FHIT: variants seen among roughly 807,000 people sequenced by gnomAD.
The protein encoded by FHIT is bis(5'-adenosyl)-triphosphatase.
In FHIT, 19 loss-of-function variants were observed where a neutral mutation model predicts 17.9. The observed-to-expected ratio is 1.06, with a 90% CI of 0.74 to 1.56. FHIT has a LOEUF of 1.56. Ranked by LOEUF, FHIT falls within the 40% of genes most tolerant of loss-of-function variation. FHIT has a pLI of 0.00. For missense variants in FHIT, 248 were observed against 189.2 expected, an observed-to-expected ratio of 1.31 and a Z score of -1.82; for synonymous variants, 81 against 69.7, an observed-to-expected ratio of 1.16 and a Z score of -0.81.
intron 4 of FHIT, among the ~76,000 whole-genome samples, chr3:60,609,431 T>C (rs1376320991): frequency 1.3e-5 from 2 of 152,112 alleles, no homozygotes; most frequent in African/African-American, 4.8e-5. Flanking sequence ...GTTCAAGTGA[T>C]TCTCCTGCCT....
chr3:59,907,993 T>G (rs1466793802), intron 8 of FHIT, among the ~76,000 whole-genome samples: 2 of 152,266 alleles, frequency 1.3e-5, no homozygotes, highest in African/African-American at 4.8e-5. Flanking sequence ...CTTCCACCTC[T>G]GTGATTATAT....
At chr3:60,081,005 T>A (rs984238860) in intron 5 of FHIT, among the ~76,000 whole-genome samples, 1 of 152,050 alleles carries the variant, frequency 6.6e-6, no homozygotes, top group South Asian at 2.1e-4. Context: ...TCTATCTCTA[T>A]CAAGGTACAT....
intron 8 of FHIT, among the ~76,000 whole-genome samples, chr3:59,833,673 T>C (rs2106715232): frequency 6.6e-6 from 1 of 152,282 alleles, no homozygotes; most frequent in Admixed American, 6.5e-5. Flanking sequence ...CATGGAAAAC[T>C]TCTGATGGAA....
At chr3:61,020,064 G>A (rs184089318) in intron 3 of FHIT, among the ~76,000 whole-genome samples, 1,774 of 152,098 alleles carry the variant, frequency 0.012, 20 homozygotes, top group Middle Eastern at 0.027. Context: ...GTAATGGGAC[G>A]GCTGGGTCAA....
intron 3 of FHIT, among the ~76,000 whole-genome samples, chr3:60,847,363 A>T (rs1267783556): frequency 6.6e-6 from 1 of 151,824 alleles, no homozygotes; most frequent in African/African-American, 2.4e-5. Flanking sequence ...GAAGATCTAC[A>T]CCTGATGCTG....
chr3:59,897,542 C>T (rs1340150590), intron 8 of FHIT, among the ~76,000 whole-genome samples: 2 of 152,162 alleles, frequency 1.3e-5, no homozygotes, highest in South Asian at 2.1e-4. Flanking sequence ...TACTCAGTTC[C>T]GTGCTTGGCA....
intron 4 of FHIT, among the ~76,000 whole-genome samples, chr3:60,557,220 C>A (rs553083099): frequency 6.6e-6 from 1 of 152,110 alleles, no homozygotes; most frequent in Non-Finnish European, 1.5e-5. Context: ...CAAGTACACA[C>A]GGAAGCAAGT....
At chr3:60,090,008 G>T (rs1016108216) in intron 5 of FHIT, among the ~76,000 whole-genome samples, 1 of 152,038 alleles carries the variant, frequency 6.6e-6, no homozygotes, top group Non-Finnish European at 1.5e-5. Context: ...TGTGTTCCAG[G>T]CATTGATCTA....
In FHIT at chr3:60,681,195, T is replaced by C. The variant is rs531462857; in HGVS notation, c.-18+140724A>G. On this transcript the variant is annotated intron_variant, in intron 4 of 9. Coordinates refer to ENST00000492590, the MANE Select transcript of FHIT (RefSeq NM_002012.4). ...CATTTCACGTCTATGTATCACAATT[T>C]GGTAATTCTCCCAATATTTCAAACT... 4.6e-5 allele frequency among the ~76,000 whole-genome samples: 7 copies of C among 152,346 alleles called. No homozygotes were observed. In the South Asian group the frequency reaches 8.3e-4, roughly 18 times the overall value.
intron 5 of FHIT, among the ~76,000 whole-genome samples, chr3:60,042,137 T>A (rs1165785078): frequency 6.6e-6 from 1 of 152,204 alleles, no homozygotes; most frequent in Non-Finnish European, 1.5e-5. Context: ...GGAAGATAGC[T>A]CTGAGCTCTT....
At chr3:60,109,588 C>A (rs1231323038) in intron 5 of FHIT, among the ~76,000 whole-genome samples, 1 of 152,096 alleles carries the variant, frequency 6.6e-6, no homozygotes, top group African/African-American at 2.4e-5. Context: ...GAGAAAGGGG[C>A]TGAATATACA....
chr3:60,760,563 A>G (rs1472723592), intron 4 of FHIT, among the ~76,000 whole-genome samples: 5 of 152,222 alleles, frequency 3.3e-5, no homozygotes, highest in Non-Finnish European at 7.3e-5. Flanking sequence ...AATGAAAGAT[A>G]TTAATTTTCA....
chr3:60,119,293 G>A (rs1004650233), intron 5 of FHIT, among the ~76,000 whole-genome samples: 3 of 151,868 alleles, frequency 2.0e-5, no homozygotes, highest in Admixed American at 6.6e-5. Context: ...GGCTGGTCTC[G>A]AACTCCTGAC....
chr3:60,293,346 G>T (rs747886083), intron 5 of FHIT, among the ~76,000 whole-genome samples: 1 of 151,996 alleles, frequency 6.6e-6, no homozygotes, highest in African/African-American at 2.4e-5. Context: ...AAAGACCACA[G>T]AATTTATACG....
intron 2 of FHIT, among the ~76,000 whole-genome samples, chr3:61,165,104 C>T (rs1345569045): frequency 6.6e-6 from 1 of 152,182 alleles, no homozygotes; most frequent in Admixed American, 6.5e-5. Flanking sequence ...TGAACATATA[C>T]ATGCATGTGT....
chr3:60,089,964 CAAT>C (rs1478099723), intron 5 of FHIT, among the ~76,000 whole-genome samples: 1 of 152,162 alleles, frequency 6.6e-6, no homozygotes, highest in Non-Finnish European at 1.5e-5. Flanking sequence ...GGAACAACAA[CAAT>C]AACAACAGCC....
chr3:60,371,582 A>G (rs1700331871), intron 5 of FHIT, among the ~76,000 whole-genome samples: 1 of 151,990 alleles, frequency 6.6e-6, no homozygotes, highest in Non-Finnish European at 1.5e-5. Flanking sequence ...TCTTCTTTTT[A>G]TTTTTCAATC....
chr3:60,534,970 T>C lies in FHIT; in HGVS notation c.103+1890A>G, dbSNP rs147679350. ...AAAAGTCTGAAATATCAAATTACTC[T>C]CAAGATATGAGTAAAAAAACTACAA... On this transcript the variant is annotated intron_variant, in intron 5 of 9. Coordinates refer to ENST00000492590, the MANE Select transcript of FHIT (RefSeq NM_002012.4). 4.2e-3 allele frequency among the ~76,000 whole-genome samples: 635 copies of C among 152,314 alleles called. 3 individuals carry two copies. Among genetic ancestry groups the C allele is most frequent in the African/African-American group, 0.014 (589 of 41,566 alleles).
chr3:60,622,188 A>G (rs1043616860), intron 4 of FHIT, among the ~76,000 whole-genome samples: 1 of 152,170 alleles, frequency 6.6e-6, no homozygotes, highest in Non-Finnish European at 1.5e-5. Flanking sequence ...TACTTTCTAC[A>G]GGTAACAAGC....
Sources: gnomAD v4.1 joint callset for allele counts (sites outside exome capture counted in the v4.1 genomes callset) on GRCh38, gnomAD v4.1.1 for gene constraint, MANE v1.5 for transcripts, NCBI Gene and HGNC (gene_info 2026-07-23, HGNC 2026-07-21) for gene names.